ILDR1: variants seen among roughly 807,000 people sequenced by gnomAD.
ILDR1 encodes immunoglobulin like domain containing receptor 1.
ILDR1 carries 56 observed loss-of-function variants against 62.4 expected under a neutral mutation model. The observed-to-expected ratio is 0.90, with a 90% CI of 0.72 to 1.12. The LOEUF (loss-of-function observed/expected upper bound fraction) is 1.12, where lower values mean the gene tolerates loss of function less well. ILDR1 is among the 50% of genes most tolerant of loss of function. The pLI, the probability that ILDR1 is intolerant of heterozygous loss-of-function variation, is 0.00. For synonymous variants in ILDR1, 284 were observed against 277.8 expected, an observed-to-expected ratio of 1.02 and a Z score of -0.22; for missense variants, 736 against 710.6, an observed-to-expected ratio of 1.04 and a Z score of -0.41.
In ILDR1 at chr3:122,001,438, G is replaced by A. The variant is rs766344111; in HGVS notation, c.516C>T (p.Ile172=). 2.5e-6 allele frequency: 4 copies of A among 1,614,128 alleles called. No homozygotes were observed. In the Admixed American group the frequency reaches 5.0e-5, roughly 20 times the overall value. Residue 172 remains isoleucine, a synonymous_variant, in exon 5 of 8, where the codon ATC becomes ATT. Coordinates refer to ENST00000344209, the MANE Select transcript of ILDR1 (RefSeq NM_001199799.2). The part of the protein sequence containing the change: ...KLIVLHWLTV[I]FIILGALLLL... The stretch of plus-strand genomic sequence containing the variant: ...GGAGGAGGGCTCCCAGGATGATGAA[G>A]ATCACTGTCAGCCAGTCTGCAGGGG...
intron 5 of ILDR1, among the ~76,000 whole-genome samples, 179 bp from the exon 6 acceptor site, chr3:121,994,492 C>A (rs544342093): frequency 6.6e-6 from 1 of 152,294 alleles, no homozygotes; most frequent in Non-Finnish European, 1.5e-5. Flanking sequence ...TGGCGAGGAG[C>A]TGGAATTAAA....
intron 5 of ILDR1, among the ~76,000 whole-genome samples, chr3:121,995,373 G>A (rs1398083360): frequency 6.6e-6 from 1 of 152,152 alleles, no homozygotes; most frequent in Non-Finnish European, 1.5e-5. Flanking sequence ...AAACAGCAGG[G>A]CCACGTACAG....
chr3:121,996,893 T>TTTG lies in ILDR1; in HGVS notation c.647-2583_647-2581dup, dbSNP rs1335355310. On this transcript the variant is annotated intron_variant, in intron 5 of 7. Coordinates refer to ENST00000344209, the MANE Select transcript of ILDR1 (RefSeq NM_001199799.2). ...CCATTCTTGCCCTTGTTTTGTTTTTTTTGTTGTTGTTGTTTTGTTTTGTTT... is the reference window on the plus strand; with the variant it reads ...CCATTCTTGCCCTTGTTTTGTTTTTTTTGTTGTTGTTGTTGTTTTGTTTTGTTT... Among the ~76,000 whole-genome samples the TTTG allele has an allele frequency of 1.1e-4, 17 of 152,288 alleles. No individual in the cohort carries two copies. In the East Asian group the frequency reaches 3.1e-3, roughly 28 times the overall value.
At chr3:122,059,535 CAA>C in the ILDR1 span, among the ~76,000 whole-genome samples, 19 of 67,920 alleles carry the variant, frequency 2.8e-4, no homozygotes, top group Admixed American at 5.0e-4. Flanking sequence ...GACTCCGTCT[CAA>C]AAAAAAAAAA....
chr3:122,001,186 A>G lies in ILDR1; in HGVS notation c.646+122T>C, dbSNP rs1293007279. 8.8e-6 allele frequency: 10 copies of G among 1,139,762 alleles called. No homozygotes were observed. The Admixed American group carries it at 1.4e-4, about 15-fold the overall frequency. The allele number at this position is 1,139,762 out of a possible 1,614,324, so 70.6% of individuals were successfully genotyped here. ...GCTGAGGCTAATGTCCTCTGTCCCTATGATGGGAGAAGGGCATGGAGGAGA... is the reference window on the plus strand; with the variant it reads ...GCTGAGGCTAATGTCCTCTGTCCCTGTGATGGGAGAAGGGCATGGAGGAGA... On this transcript the variant is annotated intron_variant, in intron 5 of 7. Transcript: ENST00000344209.
chr3:122,017,992 C>G (rs930559888), intron 1 of ILDR1, among the ~76,000 whole-genome samples: 4 of 152,168 alleles, frequency 2.6e-5, no homozygotes, highest in African/African-American at 7.2e-5. Context: ...GGTGATTCCT[C>G]AAGGATCTAG....
the ILDR1 span, among the ~76,000 whole-genome samples, chr3:122,049,571 T>A: frequency 1.1e-4 from 17 of 152,234 alleles, no homozygotes; most frequent in African/African-American, 4.1e-4. Flanking sequence ...TTGGTGCATA[T>A]AAATTTATCA....
upstream of ILDR1, among the ~76,000 whole-genome samples, chr3:122,025,850 CTA>C (rs1404934074): frequency 6.6e-6 from 1 of 152,186 alleles, no homozygotes; most frequent in Non-Finnish European, 1.5e-5. Flanking sequence ...AAGATTCAGA[CTA>C]TGTCTTATGC....
chr3:122,008,736 G>A (rs996137296), intron 1 of ILDR1, among the ~76,000 whole-genome samples: 2 of 151,598 alleles, frequency 1.3e-5, no homozygotes, highest in African/African-American at 4.8e-5. Context: ...TGGGATCACA[G>A]GCGCCTACCA....
At chr3:122,055,296 G>A in the ILDR1 span, 1 of 573,960 alleles carries the variant, frequency 1.7e-6, no homozygotes, top group Non-Finnish European at 3.1e-6. Context: ...TTCCTCAAGT[G>A]TGGTCAAAAT....
the ILDR1 span, among the ~76,000 whole-genome samples, chr3:122,039,090 C>A: frequency 2.0e-5 from 3 of 151,298 alleles, no homozygotes; most frequent in South Asian, 6.3e-4. Flanking sequence ...AAACACAGAA[C>A]CACCAAGAGC....
At position 121,993,312 on chromosome 3, in the gene ILDR1, C is replaced by A. The variant is rs1004936666; in HGVS notation, c.1437G>T (p.Trp479Cys). Reference protein sequence around the residue: ...SPPLPSGLSSWSSEEDKERQP... With the variant: ...SPPLPSGLSSCSSEEDKERQP... ...GCCTCTCCTTGTCCTCTTCAGAGCT[C>A]CAGGAACTGAGGCCGGAGGGCAAGG... Residue 479 changes from tryptophan (W) to cysteine (C), a missense_variant, in exon 7 of 8, where the codon TGG (tryptophan) becomes TGT (cysteine). Trp to Cys is a radical substitution (Grantham distance 215). Coordinates refer to ENST00000344209, the MANE Select transcript of ILDR1 (RefSeq NM_001199799.2). 8.7e-6 allele frequency: 14 copies of A among 1,612,160 alleles called. No homozygotes were observed. The South Asian group carries it at 1.5e-4, about 18-fold the overall frequency.
chr3:122,001,976 A>G (rs887138346), intron 3 of ILDR1, 112 bp from the exon 4 acceptor site: 3 of 1,250,536 alleles, frequency 2.4e-6, no homozygotes, highest in Non-Finnish European at 3.4e-6. Context: ...TTTACAAAAA[A>G]TAATAAAAAA....
chr3:122,027,701 G>A, the ILDR1 span, among the ~76,000 whole-genome samples: 2 of 152,182 alleles, frequency 1.3e-5, no homozygotes, highest in Non-Finnish European at 2.9e-5. Flanking sequence ...CAATTTAGAA[G>A]AAGAAGAAAG....
chr3:122,058,964 G>A, the ILDR1 span, among the ~76,000 whole-genome samples: 1 of 152,106 alleles, frequency 6.6e-6, no homozygotes, highest in Non-Finnish European at 1.5e-5. Flanking sequence ...TAGACACTGG[G>A]AGAGGAGGAG....
At position 122,022,081 on chromosome 3, in the gene ILDR1, G is replaced by A. The variant is rs761442523; in HGVS notation, c.-4C>T. On this transcript the variant is annotated 5_prime_UTR_variant, in exon 1 of 8. Coordinates refer to ENST00000344209, the MANE Select transcript of ILDR1 (RefSeq NM_001199799.2). ...CGGGCAGTTTGGGCCATGCCATGCC[G>A]CCCCCTTTCTGGCCCTTTTCAGCTC... The A allele has an allele frequency of 2.5e-6, 4 of 1,604,470 alleles. No individual in the cohort carries two copies. The East Asian group carries it at 9.0e-5, about 36-fold the overall frequency.
At chr3:122,056,973 C>A in the ILDR1 span, among the ~76,000 whole-genome samples, 12 of 152,038 alleles carry the variant, frequency 7.9e-5, no homozygotes, top group Non-Finnish European at 1.3e-4. Flanking sequence ...TGGTCATGAA[C>A]CAGTAATAGC....
intron 5 of ILDR1, among the ~76,000 whole-genome samples, chr3:121,997,826 A>G (rs953461698): frequency 7.9e-5 from 12 of 152,202 alleles, no homozygotes; most frequent in African/African-American, 2.9e-4. Context: ...TTTCCATTTC[A>G]AAAATGTCTA....
the ILDR1 span, among the ~76,000 whole-genome samples, chr3:122,044,820 C>T: frequency 2.3e-3 from 355 of 152,152 alleles, 3 homozygotes; most frequent in African/African-American, 8.1e-3. Flanking sequence ...TCTTCTTTAT[C>T]AGTCTTGCTA....
Sources: gnomAD v4.1 joint callset for allele counts (sites outside exome capture counted in the v4.1 genomes callset) on GRCh38, gnomAD v4.1.1 for gene constraint, MANE v1.5 for transcripts, NCBI Gene and HGNC (gene_info 2026-07-23, HGNC 2026-07-21) for gene names.